Variants in CPA4 observed in about 807,000 individuals in gnomAD.
CPA4 encodes carboxypeptidase A3.
In CPA4, 49 loss-of-function variants were observed where a neutral mutation model predicts 54.7. The ratio of observed to expected loss-of-function variants is 0.90; its 90% CI spans 0.71 to 1.14. The LOEUF (loss-of-function observed/expected upper bound fraction) is 1.14. Ranked by LOEUF, CPA4 falls within the 50% of genes most tolerant of loss-of-function variation. The probability of loss-of-function intolerance (pLI) is 0.00; values close to 1 mark genes in which losing one functional copy is unlikely to be tolerated. For synonymous variants in CPA4, 215 were observed against 206.8 expected, an observed-to-expected ratio of 1.04 and a Z score of -0.34; for missense variants, 487 against 525.1, an observed-to-expected ratio of 0.93 and a Z score of 0.71.
chr7:130,299,040 A>G (rs1470792715), intron 2 of CPA4, among the ~76,000 whole-genome samples: 2 of 152,230 alleles, frequency 1.3e-5, no homozygotes, highest in East Asian at 3.8e-4. Context: ...TGAACAGTAT[A>G]GGCTCCATCC....
At position 130,310,233 on chromosome 7, in the gene CPA4, T is replaced by TAC. The variant is rs61528547; in HGVS notation, c.794-543_794-542dup. 1.3e-5 allele frequency among the ~76,000 whole-genome samples: 2 copies of TAC among 151,920 alleles called. No individual in the cohort carries two copies. Among genetic ancestry groups the TAC allele is most frequent in the Non-Finnish European group, 2.9e-5 (2 of 67,944 alleles). ...ACTGGGGTGGTTTCAGTCACATTCA[T>TAC]ACACACACACACGCACACACACACG... is the stretch of plus-strand genomic sequence containing the variant. On this transcript the variant is annotated intron_variant, in intron 8 of 10. Transcript: ENST00000222482. The surrounding 1 kb of genome is among the most constrained non-coding windows in gnomAD (Gnocchi z 4.3).
intron 4 of CPA4, among the ~76,000 whole-genome samples, chr7:130,302,975 C>T (rs75817666): frequency 0.017 from 2,573 of 152,258 alleles, 33 homozygotes; most frequent in Non-Finnish European, 0.026. Flanking sequence ...CTACAATTTC[C>T]TCTTGTTTAG....
At chr7:130,306,102 AATTG>A in intron 6 of CPA4, 182 bp downstream of exon 6, 1 of 602,376 alleles carries the variant, frequency 1.7e-6, no homozygotes, top group African/African-American at 1.8e-5. Flanking sequence ...ACTGCGGCCA[AATTG>A]ATTGCGTTCC....
intron 1 of CPA4, among the ~76,000 whole-genome samples, chr7:130,296,679 CTTTT>C (rs369325885): frequency 2.5e-3 from 183 of 73,002 alleles, no homozygotes; most frequent in African/African-American, 6.2e-3. Context: ...GCTCCCCTCA[CTTTT>C]TTTTTTTTTT....
In CPA4 at chr7:130,304,582, G is replaced by A. The variant is rs774882761; in HGVS notation, c.486+3G>A. ...ACCGGCCGATGTATGTACTGAAGGT[G>A]AGGCCACATGCACTTGGAAGGGTCT... On this transcript the variant is annotated splice_donor_region_variant and intron_variant, in intron 5 of 10. Coordinates refer to ENST00000222482, the MANE Select transcript of CPA4 (RefSeq NM_016352.4). 7.0e-6 allele frequency: 11 copies of A among 1,573,310 alleles called. 1 individual carries two copies. The highest frequency in any genetic ancestry group is 1.7e-5 in the Admixed American group (1 of 59,984).
At chr7:130,308,850 C>CTTTTTTTTTTTTTTTTTTTTTTTTT (rs1249548992) in intron 8 of CPA4, among the ~76,000 whole-genome samples, 7 of 120,268 alleles carry the variant, frequency 5.8e-5, no homozygotes, top group Non-Finnish European at 1.0e-4. Context: ...CTAGCCCAGC[C>CTTTTTTTTTTTTTTTTTTTTTTTTT]TTTTTTTTTT....
chr7:130,315,548 G>A (rs1224188662), intron 10 of CPA4, among the ~76,000 whole-genome samples: 6 of 152,106 alleles, frequency 3.9e-5, no homozygotes, highest in African/African-American at 1.4e-4. Flanking sequence ...TTTGATAAAT[G>A]AATTCAGGGC....
chr7:130,304,564 G>T lies in CPA4; in HGVS notation c.471G>T (p.Pro157=), dbSNP rs28369154. 6.2e-7 allele frequency: 1 copy of T among 1,610,014 alleles called. No individual in the cohort carries two copies. The highest frequency in any genetic ancestry group is 1.1e-5 in the South Asian group (1 of 90,990). Residue 157 remains proline, a synonymous_variant, in exon 5 of 11, where the codon CCG becomes CCT. Transcript: ENST00000222482. ...TTGGACATTCGTTTGAAAACCGGCC[G>T]ATGTATGTACTGAAGGTGAGGCCAC... ...VKIGHSFENR[P]MYVLKFSTGK... is the part of the protein sequence containing the mutation.
intron 7 of CPA4, among the ~76,000 whole-genome samples, chr7:130,307,395 G>T (rs1296056194): frequency 6.6e-6 from 1 of 152,120 alleles, no homozygotes; most frequent in African/African-American, 2.4e-5. Context: ...ACTTTGGGAG[G>T]CCGAGGTGGG....
intron 1 of CPA4, among the ~76,000 whole-genome samples, chr7:130,295,257 G>A (rs977029397): frequency 3.3e-5 from 5 of 152,252 alleles, no homozygotes; most frequent in African/African-American, 4.8e-5. Context: ...GGTGAAAGGG[G>A]AGGGATAGAT....
intron 4 of CPA4, among the ~76,000 whole-genome samples, chr7:130,303,122 T>C (rs1793764751): frequency 6.6e-6 from 1 of 152,238 alleles, no homozygotes; most frequent in South Asian, 2.1e-4. Flanking sequence ...GACTTTGTTC[T>C]ATATTAATTA....
chr7:130,305,431 A>G (rs768628049), intron 5 of CPA4, among the ~76,000 whole-genome samples: 34 of 152,118 alleles, frequency 2.2e-4, no homozygotes, highest in Admixed American at 1.7e-3. Flanking sequence ...TTTAAAACCA[A>G]ATTCATTTAT....
intron 4 of CPA4, among the ~76,000 whole-genome samples, chr7:130,303,950 T>A (rs1793778780): frequency 6.6e-6 from 1 of 152,094 alleles, no homozygotes; most frequent in African/African-American, 2.4e-5. Flanking sequence ...CTTGTTTTTA[T>A]TTTATTTTAT....
intron 7 of CPA4, 187 bp from the exon 8 acceptor site, chr7:130,308,120 C>G (rs1793853180): frequency 3.3e-6 from 2 of 604,510 alleles, no homozygotes; most frequent in Non-Finnish European, 6.0e-6. Flanking sequence ...TCTCTTAGAG[C>G]CGGAAGGGGA....
chr7:130,300,675 C>T, intron 3 of CPA4, 141 bp from the exon 4 acceptor site: 1 of 594,450 alleles, frequency 1.7e-6, no homozygotes, highest in Non-Finnish European at 3.0e-6. Flanking sequence ...AATCTAACCC[C>T]CTTTTAAACC....
At chr7:130,309,169 T>C (rs1401315055) in intron 8 of CPA4, among the ~76,000 whole-genome samples, 1 of 152,214 alleles carries the variant, frequency 6.6e-6, no homozygotes, top group Non-Finnish European at 1.5e-5. Context: ...TTAAAATATA[T>C]TTTTGTGATT....
chr7:130,301,659 TG>T (rs1369178088), intron 4 of CPA4, among the ~76,000 whole-genome samples: 1 of 152,204 alleles, frequency 6.6e-6, no homozygotes, highest in Non-Finnish European at 1.5e-5. Flanking sequence ...TATACAGACA[TG>T]GTGTTGTTGG....
In CPA4 at chr7:130,299,941, C is replaced by T. The variant is rs367850416; in HGVS notation, c.285+537C>T. ...AGACAGGGGGAATGTCATGGATAGC[C>T]CCAGCAGAGGGAATGCCGTCCTCTG... is the stretch of plus-strand genomic sequence containing the variant. On this transcript the variant is annotated intron_variant, in intron 3 of 10. Transcript: ENST00000222482. Among the ~76,000 whole-genome samples, 121 of 152,268 alleles carry T rather than the reference C, an allele frequency of 7.9e-4. 1 individual carries two copies. The highest frequency in any genetic ancestry group is 2.9e-3 in the African/African-American group (119 of 41,556).
intron 1 of CPA4, among the ~76,000 whole-genome samples, chr7:130,294,627 C>T (rs1793621553): frequency 6.6e-6 from 1 of 152,180 alleles, no homozygotes; most frequent in South Asian, 2.1e-4. Flanking sequence ...ACCTGGGCTG[C>T]GACAGCTGGG....
Sources: gnomAD v4.1 joint callset for allele counts (sites outside exome capture counted in the v4.1 genomes callset) on GRCh38, gnomAD v4.1.1 for gene constraint, Gnocchi (gnomAD v3.1) non-coding constraint, MANE v1.5 for transcripts, NCBI Gene and HGNC (gene_info 2026-07-23, HGNC 2026-07-21) for gene names.